Variants in CSMD1 observed in about 807,000 individuals in gnomAD.
CSMD1 encodes CUB and sushi domain-containing protein 1.
A neutral mutation model predicts 417.5 loss-of-function variants in CSMD1; 213 were observed. The ratio of observed to expected loss-of-function variants is 0.51; its 90% CI spans 0.46 to 0.57. CSMD1 has a LOEUF of 0.57. CSMD1 is among the 20% of genes least tolerant of loss of function. The pLI, the probability that CSMD1 is intolerant of heterozygous loss-of-function variation, is 0.00. For missense variants in CSMD1, 6,923 were observed against 4,529.7 expected, an observed-to-expected ratio of 1.53 and a Z score of -15.17; for synonymous variants, 2,862 against 1,736.8, an observed-to-expected ratio of 1.65 and a Z score of -16.11.
At chr8:4,989,655 G>A (rs1280855766) in intron 1 of CSMD1, among the ~76,000 whole-genome samples, 2 of 152,210 alleles carry the variant, frequency 1.3e-5, no homozygotes, top group African/African-American at 2.4e-5. Flanking sequence ...TTGCATGTAT[G>A]CAACTTGTAA....
chr8:3,778,360 G>T (rs562207457), intron 5 of CSMD1, among the ~76,000 whole-genome samples: 1 of 152,168 alleles, frequency 6.6e-6, no homozygotes, highest in Non-Finnish European at 1.5e-5. Flanking sequence ...CAGCTGTCTG[G>T]AATCATTTCG....
chr8:2,951,040 A>G (rs1802589969), intron 66 of CSMD1, 74 bp downstream of exon 66: 1 of 1,474,794 alleles, frequency 6.8e-7, no homozygotes, highest in Non-Finnish European at 9.2e-7. Context: ...TACTTACTAG[A>G]TCACCTCTCT....
intron 38 of CSMD1, among the ~76,000 whole-genome samples, chr8:3,158,680 T>A (rs1467340599): frequency 1.3e-5 from 2 of 152,080 alleles, no homozygotes; most frequent in African/African-American, 4.8e-5. Context: ...TCAAAGATGT[T>A]TTGTGCTAAC....
At chr8:3,653,038 A>T (rs1797937215) in intron 7 of CSMD1, among the ~76,000 whole-genome samples, 1 of 152,132 alleles carries the variant, frequency 6.6e-6, no homozygotes, top group South Asian at 2.1e-4. Context: ...AAAAGACACA[A>T]ATGTTTTCTA....
chr8:3,068,186 A>G (rs1813074578), intron 49 of CSMD1, among the ~76,000 whole-genome samples: 1 of 152,164 alleles, frequency 6.6e-6, no homozygotes, highest in African/African-American at 2.4e-5. Flanking sequence ...TCTCTGTGGT[A>G]ATTTTCTTCT....
chr8:3,542,434 G>C (rs965721948), intron 10 of CSMD1, among the ~76,000 whole-genome samples: 2 of 152,126 alleles, frequency 1.3e-5, no homozygotes, highest in Admixed American at 1.3e-4. Context: ...GATTGGATGT[G>C]CGTTAGGGAA....
chr8:4,391,976 G>C (rs936367033), intron 3 of CSMD1, among the ~76,000 whole-genome samples: 3 of 152,182 alleles, frequency 2.0e-5, no homozygotes, highest in Non-Finnish European at 2.9e-5. Context: ...CATTAAAAGA[G>C]AGACCTAGTC....
intron 1 of CSMD1, among the ~76,000 whole-genome samples, chr8:4,959,476 G>C (rs558657052): frequency 6.6e-6 from 1 of 152,176 alleles, no homozygotes; most frequent in Non-Finnish European, 1.5e-5. Flanking sequence ...ACGCCCTCAG[G>C]ATATCCTGTT....
At chr8:3,114,598 G>A (rs1816742409) in intron 42 of CSMD1, among the ~76,000 whole-genome samples, 2 of 151,930 alleles carry the variant, frequency 1.3e-5, no homozygotes, top group Non-Finnish European at 2.9e-5. Flanking sequence ...CATTTTCAGA[G>A]AAGAATCCAG....
intron 69 of CSMD1, among the ~76,000 whole-genome samples, chr8:2,940,433 G>A (rs369418183): frequency 1.3e-5 from 2 of 152,174 alleles, no homozygotes; most frequent in Non-Finnish European, 2.9e-5. Flanking sequence ...TAGGAAGGGA[G>A]GGAGTCCAGT....
At chr8:4,872,756 C>A (rs995643134) in intron 1 of CSMD1, among the ~76,000 whole-genome samples, 63 of 152,088 alleles carry the variant, frequency 4.1e-4, no homozygotes, top group Admixed American at 3.3e-4. Context: ...TAAAAGATAT[C>A]TTGCACATTT....
intron 1 of CSMD1, among the ~76,000 whole-genome samples, chr8:4,638,906 A>C (rs1280807937): frequency 6.6e-6 from 1 of 152,138 alleles, no homozygotes; most frequent in Non-Finnish European, 1.5e-5. Flanking sequence ...CTAACAAAGC[A>C]CTTCTCAGGT....
chr8:4,400,421 C>T (rs984478660), intron 3 of CSMD1, among the ~76,000 whole-genome samples: 7 of 152,230 alleles, frequency 4.6e-5, no homozygotes, highest in African/African-American at 7.2e-5. Flanking sequence ...TATGTTTGTA[C>T]ATGTGCACAT....
intron 4 of CSMD1, 64 bp from the exon 5 acceptor site, chr8:3,998,174 C>T (rs1342620512): frequency 2.2e-6 from 3 of 1,383,806 alleles, no homozygotes; most frequent in East Asian, 2.5e-5. Flanking sequence ...ACGAGTGTGT[C>T]CACCAAGTGT....
At chr8:4,209,405 C>G (rs546656631) in intron 3 of CSMD1, among the ~76,000 whole-genome samples, 38 of 152,264 alleles carry the variant, frequency 2.5e-4, no homozygotes, top group African/African-American at 8.9e-4. Flanking sequence ...CTCCAGGGTT[C>G]CTGTGGAATT....
In CSMD1 at chr8:3,167,291, GAAA is replaced by G. The variant is rs61026104; in HGVS notation, c.5726-5017_5726-5015del. Among the ~76,000 whole-genome samples the G allele has an allele frequency of 9.8e-3, 1,009 of 102,650 alleles. 12 individuals carry two copies. Among genetic ancestry groups the G allele is most frequent in the African/African-American group, 0.033 (938 of 28,486 alleles). The allele number at this position is 102,650 out of a possible 152,430, so 67.3% of individuals were successfully genotyped here. ...AGAGCAAGACTCCAACTTGGAAAAA[GAAA>G]AAAAAAAAAAAAAAAGGTGGTTCAC... is the stretch of plus-strand genomic sequence containing the variant. On this transcript the variant is annotated intron_variant, in intron 37 of 69. Transcript: ENST00000635120.
At chr8:4,278,483 T>G (rs764674641) in intron 3 of CSMD1, among the ~76,000 whole-genome samples, 24 of 152,216 alleles carry the variant, frequency 1.6e-4, no homozygotes, top group Non-Finnish European at 4.4e-5. Context: ...AAGCAGCATT[T>G]TAATATTAGG....
chr8:4,052,115 G>C (rs776913541), intron 3 of CSMD1, among the ~76,000 whole-genome samples: 1 of 151,922 alleles, frequency 6.6e-6, no homozygotes, highest in Non-Finnish European at 1.5e-5. Context: ...AATAGAGACA[G>C]GGTTTCACCA....
At chr8:3,507,474 T>C (rs908768853) in intron 10 of CSMD1, among the ~76,000 whole-genome samples, 5 of 152,178 alleles carry the variant, frequency 3.3e-5, no homozygotes, top group Admixed American at 6.5e-5. Context: ...TACGTGTGCA[T>C]GTGTCTTTAT....
Sources: gnomAD v4.1 joint callset for allele counts (sites outside exome capture counted in the v4.1 genomes callset) on GRCh38, gnomAD v4.1.1 for gene constraint, MANE v1.5 for transcripts, NCBI Gene and HGNC (gene_info 2026-07-23, HGNC 2026-07-21) for gene names.